CDH12: variants seen among roughly 807,000 people sequenced by gnomAD.
CDH12 encodes cadherin-12.
A neutral mutation model predicts 74.1 loss-of-function variants in CDH12; 41 were observed. That is an observed-to-expected ratio of 0.55 (90% CI 0.43 to 0.72). The LOEUF (loss-of-function observed/expected upper bound fraction) is 0.72, where lower values mean the gene tolerates loss of function less well. Among genes scored for constraint, CDH12 ranks in the 30% least tolerant of loss-of-function variants. The pLI, the probability that CDH12 is intolerant of heterozygous loss-of-function variation, is 0.00. For missense variants in CDH12, 945 were observed against 977.2 expected (o/e 0.97, Z 0.44); for synonymous variants, 399 against 355.0 (o/e 1.12, Z -1.39).
intron 1 of CDH12, among the ~76,000 whole-genome samples, chr5:22,772,877 T>C (rs954963746): frequency 6.6e-6 from 1 of 151,988 alleles, no homozygotes; most frequent in Admixed American, 6.6e-5. Context: ...AAATTAAAGA[T>C]GTGGATTTTT....
chr5:22,450,481 A>G (rs963915360), intron 2 of CDH12, among the ~76,000 whole-genome samples: 11 of 151,832 alleles, frequency 7.2e-5, no homozygotes, highest in Non-Finnish European at 1.5e-4. Context: ...TTCATCTTTT[A>G]TCATTCATAT....
Position 22,259,810 on chromosome 5 carries a change from G to A in CDH12, c.-332-47167C>T, listed in dbSNP as rs1256857176. 2.0e-5 allele frequency among the ~76,000 whole-genome samples: 3 copies of A among 151,654 alleles called. No homozygotes were observed. The East Asian group carries it at 5.8e-4, about 29-fold the overall frequency. On this transcript the variant is annotated intron_variant, in intron 3 of 14. Coordinates refer to ENST00000382254, the MANE Select transcript of CDH12 (RefSeq NM_004061.5). Reference sequence around the variant, plus strand: ...AAACTACTCAAGTATAATTAATTCAGCCTTTGCTGAGGTAAACTTTGAAGC... The same window carrying A: ...AAACTACTCAAGTATAATTAATTCAACCTTTGCTGAGGTAAACTTTGAAGC...
At chr5:21,914,069 G>C (rs570483924) in intron 6 of CDH12, among the ~76,000 whole-genome samples, 1 of 152,254 alleles carries the variant, frequency 6.6e-6, no homozygotes, top group South Asian at 2.1e-4. Context: ...CTGTCAAACA[G>C]AGTAAGTCCT....
intron 3 of CDH12, among the ~76,000 whole-genome samples, chr5:22,381,633 A>T (rs1741762357): frequency 6.6e-6 from 1 of 151,962 alleles, no homozygotes; most frequent in Non-Finnish European, 1.5e-5. Context: ...TTTGGTCAAA[A>T]TTTTAACAAA....
At chr5:22,774,113 C>G (rs752908072) in intron 1 of CDH12, among the ~76,000 whole-genome samples, 1 of 152,114 alleles carries the variant, frequency 6.6e-6, no homozygotes, top group South Asian at 2.1e-4. Context: ...TTCAACCCAG[C>G]AATCCTATTA....
In CDH12 at chr5:22,680,025, A is replaced by G. The variant is rs1741410720; in HGVS notation, c.-523+173033T>C. Among the ~76,000 whole-genome samples, 5 of 152,112 alleles carry G rather than the reference A, an allele frequency of 3.3e-5. No individual in the cohort carries two copies. The South Asian group carries it at 1.0e-3, about 31-fold the overall frequency. On this transcript the variant is annotated intron_variant, in intron 1 of 14. Coordinates refer to ENST00000382254, the MANE Select transcript of CDH12 (RefSeq NM_004061.5). The stretch of plus-strand genomic sequence containing the variant: ...CAAGCTCCTTGAGGAACAAACAGTA[A>G]ACAGATAGCAACAGTGTCCTTTGAT...
At chr5:21,804,161 ATTTCC>A (rs1343715359) in intron 9 of CDH12, among the ~76,000 whole-genome samples, 1 of 152,016 alleles carries the variant, frequency 6.6e-6, no homozygotes, top group African/African-American at 2.4e-5. Flanking sequence ...TATAATATTG[ATTTCC>A]TTTCATTTTC....
chr5:22,252,978 AT>A (rs1275297036), intron 3 of CDH12, among the ~76,000 whole-genome samples: 6 of 151,964 alleles, frequency 3.9e-5, no homozygotes, highest in African/African-American at 1.4e-4. Flanking sequence ...GTAGAATAAA[AT>A]TTCACTAAGA....
At chr5:22,379,617 C>G (rs1741675206) in intron 3 of CDH12, among the ~76,000 whole-genome samples, 1 of 152,180 alleles carries the variant, frequency 6.6e-6, no homozygotes, top group Non-Finnish European at 1.5e-5. Flanking sequence ...TCTAATTCTT[C>G]TGGTCCTAAT....
intron 5 of CDH12, among the ~76,000 whole-genome samples, chr5:22,022,688 A>G (rs1419529260): frequency 6.6e-6 from 1 of 152,132 alleles, no homozygotes; most frequent in Non-Finnish European, 1.5e-5. Flanking sequence ...TAAATATTAA[A>G]GCCTATATAT....
chr5:22,283,816 A>G (rs763682388), intron 3 of CDH12, among the ~76,000 whole-genome samples: 3 of 152,138 alleles, frequency 2.0e-5, no homozygotes, highest in African/African-American at 7.2e-5. Context: ...GGATATCTTA[A>G]TTAGCTTGAT....
At chr5:21,890,721 A>G (rs552761907) in intron 6 of CDH12, among the ~76,000 whole-genome samples, 1 of 152,260 alleles carries the variant, frequency 6.6e-6, no homozygotes, top group African/African-American at 2.4e-5. Flanking sequence ...TATAAAGGAC[A>G]AACATGTTAG....
chr5:21,804,877 T>A (rs1037741619), intron 9 of CDH12, among the ~76,000 whole-genome samples: 1 of 152,132 alleles, frequency 6.6e-6, no homozygotes, highest in African/African-American at 2.4e-5. Context: ...ATTCAATATG[T>A]TAGAAGATAT....
intron 1 of CDH12, among the ~76,000 whole-genome samples, chr5:22,750,624 C>G (rs186437398): frequency 1.3e-5 from 2 of 151,900 alleles, no homozygotes; most frequent in African/African-American, 2.4e-5. Context: ...ATGGACCAGT[C>G]GAATGTAGGG....
chr5:22,400,603 G>C (rs184772188), intron 3 of CDH12, among the ~76,000 whole-genome samples: 4 of 151,944 alleles, frequency 2.6e-5, no homozygotes, highest in African/African-American at 9.7e-5. Context: ...GCCTGTGCTT[G>C]GGTACTGAAG....
chr5:22,325,027 A>G (rs1369612113), intron 3 of CDH12, among the ~76,000 whole-genome samples: 1 of 152,208 alleles, frequency 6.6e-6, no homozygotes, highest in Non-Finnish European at 1.5e-5. Context: ...TTATACCTGT[A>G]GGTAATAATT....
At chr5:22,733,439 CTTTT>C (rs76609709) in intron 1 of CDH12, among the ~76,000 whole-genome samples, 2 of 142,470 alleles carry the variant, frequency 1.4e-5, no homozygotes, top group Non-Finnish European at 3.1e-5. Flanking sequence ...CTTTGTGAAT[CTTTT>C]TTTTTTTTTA....
intron 1 of CDH12, among the ~76,000 whole-genome samples, chr5:22,716,395 T>A (rs544594846): frequency 6.6e-6 from 1 of 151,158 alleles, no homozygotes; most frequent in Non-Finnish European, 1.5e-5. Context: ...CCTAGTGACA[T>A]TGCTGCTGTC....
chr5:21,888,778 T>C (rs188884657), intron 6 of CDH12, among the ~76,000 whole-genome samples: 4 of 152,138 alleles, frequency 2.6e-5, no homozygotes, highest in Admixed American at 6.6e-5. Context: ...ACAATATATA[T>C]TGATAAATGT....
Sources: allele counts gnomAD v4.1 joint callset (sites outside exome capture counted in the v4.1 genomes callset), GRCh38; gene constraint gnomAD v4.1.1; transcripts MANE v1.5; gene names NCBI Gene and HGNC (gene_info 2026-07-23, HGNC 2026-07-21).